The following CUL3 variants were observed in gnomAD, a reference collection of about 807,000 sequenced individuals.
CUL3 encodes the protein cullin 3, also known as cullin-3.
CUL3 carries 19 observed loss-of-function variants against 89.1 expected under a neutral mutation model. The ratio of observed to expected loss-of-function variants is 0.21; its 90% CI spans 0.15 to 0.31. The LOEUF (loss-of-function observed/expected upper bound fraction) is 0.31. Among genes scored for constraint, CUL3 ranks in the 10% least tolerant of loss-of-function variants. CUL3 has a pLI of 1.00. For synonymous variants in CUL3, 351 were observed against 308.4 expected (o/e 1.14, Z -1.45); for missense variants, 469 against 942.3 (o/e 0.50, Z 6.58).
intron 2 of CUL3, among the ~76,000 whole-genome samples, chr2:224,555,053 T>C (rs1408734519): frequency 6.6e-6 from 1 of 152,120 alleles, no homozygotes; most frequent in Non-Finnish European, 1.5e-5. Context: ...AATCTCCACA[T>C]CTAATTTTGA....
intron 3 of CUL3, among the ~76,000 whole-genome samples, chr2:224,529,769 A>G (rs1201169821): frequency 6.6e-6 from 1 of 152,160 alleles, no homozygotes; most frequent in Non-Finnish European, 1.5e-5. Flanking sequence ...CCATCAAGAG[A>G]GATGTAGAGT....
intron 13 of CUL3, among the ~76,000 whole-genome samples, chr2:224,492,547 C>T (rs1692026952): frequency 6.6e-6 from 1 of 152,112 alleles, no homozygotes; most frequent in Non-Finnish European, 1.5e-5. Context: ...AAACCCACTG[C>T]TAATTACTAA....
chr2:224,521,018 A>G (rs114752209), intron 3 of CUL3, among the ~76,000 whole-genome samples: 1 of 152,364 alleles, frequency 6.6e-6, no homozygotes, highest in African/African-American at 2.4e-5. Context: ...AGGGAGTGGC[A>G]TTACAAACAA....
At chr2:224,513,394 G>C in intron 5 of CUL3, 130 bp downstream of exon 5, 1 of 622,558 alleles carries the variant, frequency 1.6e-6, no homozygotes, top group South Asian at 2.1e-5. Context: ...GTGCTGATGG[G>C]CATTTTTTGC....
intron 14 of CUL3, chr2:224,479,065 T>G (rs1691433223): frequency 6.6e-6 from 1 of 152,232 alleles, no homozygotes; most frequent in African/African-American, 2.4e-5. Flanking sequence ...CGTCTTCTCC[T>G]GCAACTCTGC....
chr2:224,584,312 G>A (rs952189194), intron 1 of CUL3, among the ~76,000 whole-genome samples: 1 of 152,126 alleles, frequency 6.6e-6, no homozygotes, highest in African/African-American at 2.4e-5. Context: ...CGAGTGGCGA[G>A]GCAATCCTGC....
At chr2:224,581,664 G>C (rs1443408431) in intron 1 of CUL3, among the ~76,000 whole-genome samples, 2 of 151,324 alleles carry the variant, frequency 1.3e-5, no homozygotes, top group Non-Finnish European at 2.9e-5. Flanking sequence ...CACCACACCT[G>C]GCAAATTTTT....
At chr2:224,523,785 A>G (rs1482401125) in intron 3 of CUL3, among the ~76,000 whole-genome samples, 1 of 152,248 alleles carries the variant, frequency 6.6e-6, no homozygotes, top group Non-Finnish European at 1.5e-5. Flanking sequence ...AACCTTAAGG[A>G]CATGCTAAGT....
At chr2:224,496,018 CATT>C in intron 12 of CUL3, 52 bp from the exon 13 acceptor site, 1 of 1,586,296 alleles carries the variant, frequency 6.3e-7, no homozygotes, top group Non-Finnish European at 8.6e-7. Context: ...TTCCTGGTAA[CATT>C]AATGTATGTA....
chr2:224,498,000 G>T, intron 11 of CUL3, 151 bp from the exon 12 acceptor site: 1 of 627,204 alleles, frequency 1.6e-6, no homozygotes, highest in Non-Finnish European at 2.8e-6. Flanking sequence ...ATCAAGTTCA[G>T]TTTCAACTTT....
At chr2:224,523,688 G>A (rs62187013) in intron 3 of CUL3, among the ~76,000 whole-genome samples, 3,681 of 152,306 alleles carry the variant, frequency 0.024, 66 homozygotes, top group Non-Finnish European at 0.037. Context: ...CAGATGAACA[G>A]ATAAACAAAA....
intron 1 of CUL3, among the ~76,000 whole-genome samples, chr2:224,581,383 G>T (rs1236569175): frequency 6.8e-6 from 1 of 147,638 alleles, no homozygotes; most frequent in African/African-American, 2.5e-5. Context: ...GTGACAGAGC[G>T]AGTTTCCATC....
At chr2:224,487,992 T>C (rs1691803093) in intron 13 of CUL3, among the ~76,000 whole-genome samples, 2 of 152,158 alleles carry the variant, frequency 1.3e-5, no homozygotes. Flanking sequence ...TGTTCCTGAA[T>C]GACTAGTGGG....
chr2:224,533,478 A>G (rs143877743), intron 3 of CUL3, among the ~76,000 whole-genome samples: 202 of 152,234 alleles, frequency 1.3e-3, no homozygotes, highest in African/African-American at 4.7e-3. Context: ...AAAAAGAAAG[A>G]AAAAAAGGGA....
intron 12 of CUL3, among the ~76,000 whole-genome samples, chr2:224,497,225 AATT>A (rs1249917663): frequency 6.6e-6 from 1 of 152,164 alleles, no homozygotes; most frequent in Non-Finnish European, 1.5e-5. Context: ...AATGAAAATA[AATT>A]ATTACTCTAA....
intron 3 of CUL3, among the ~76,000 whole-genome samples, chr2:224,516,461 C>T (rs1277796997): frequency 1.3e-5 from 2 of 151,480 alleles, no homozygotes; most frequent in East Asian, 1.9e-4. Context: ...GGACTACAGG[C>T]GCCTGCCACC....
intron 15 of CUL3, among the ~76,000 whole-genome samples, chr2:224,475,572 A>G (rs1691289306): frequency 6.6e-6 from 1 of 152,140 alleles, no homozygotes; most frequent in South Asian, 2.1e-4. Flanking sequence ...AAAATTCAGC[A>G]CTTCATTCTG....
In CUL3 at chr2:224,551,355, G is replaced by A. The variant is rs532414713; in HGVS notation, c.264+6304C>T. ...TGTGTAGCTGGGACTACAGGTGCCC[G>A]CCACCACGTCCGGCTCATTTTTTGT... On this transcript the variant is annotated intron_variant, in intron 2 of 15. Coordinates refer to ENST00000264414, the MANE Select transcript of CUL3 (RefSeq NM_003590.5). Among the ~76,000 whole-genome samples, 7 of 152,082 alleles carry A rather than the reference G, an allele frequency of 4.6e-5. No homozygotes were observed. In the East Asian group the frequency reaches 5.8e-4, roughly 13 times the overall value.
chr2:224,503,550 A>G (rs773647181), intron 9 of CUL3, 102 bp downstream of exon 9: 3 of 971,280 alleles, frequency 3.1e-6, no homozygotes, highest in Non-Finnish European at 4.4e-6. Context: ...CTAGAAATAA[A>G]CACTTAATAA....
Sources: gnomAD v4.1 joint callset for allele counts (sites outside exome capture counted in the v4.1 genomes callset) on GRCh38, gnomAD v4.1.1 for gene constraint, MANE v1.5 for transcripts, NCBI Gene and HGNC (gene_info 2026-07-23, HGNC 2026-07-21) for gene names.